Variants in ASAP2 observed in about 807,000 individuals in gnomAD.
The protein encoded by ASAP2 is arf-GAP with SH3 domain, ANK repeat and PH domain-containing protein 2.
Under a neutral mutation model 131.4 loss-of-function variants are expected in ASAP2, and 45 were observed. That is an observed-to-expected ratio of 0.34 (90% CI 0.27 to 0.44). The LOEUF (loss-of-function observed/expected upper bound fraction) is 0.44, where lower values mean the gene tolerates loss of function less well. Ranked by LOEUF, ASAP2 falls within the 20% of genes least tolerant of loss-of-function variation. The pLI is 1.00. For synonymous variants in ASAP2, 510 were observed against 503.0 expected (o/e 1.01, Z -0.19); for missense variants, 1,011 against 1,297.0 (o/e 0.78, Z 3.39).
chr2:9,211,074 G>A (rs1661510707), intron 1 of ASAP2, among the ~76,000 whole-genome samples: 1 of 151,666 alleles, frequency 6.6e-6, no homozygotes, highest in South Asian at 2.1e-4. Context: ...AGAATCACTT[G>A]AACCCAAGAG....
chr2:9,262,566 G>C (rs1421048739), intron 1 of ASAP2, among the ~76,000 whole-genome samples: 1 of 152,216 alleles, frequency 6.6e-6, no homozygotes, highest in Non-Finnish European at 1.5e-5. Flanking sequence ...AACCAAGTCA[G>C]TCTCATTCCA....
In ASAP2 at chr2:9,297,243, G is replaced by T; in HGVS notation, c.200-57G>T. On this transcript the variant is annotated intron_variant, in intron 2 of 27. Transcript: ENST00000281419. ...GTTATTCACAACCGAGAAGAACCTGGTGGGGAGTGAGGGTGGCATGCCTGA... is the reference window on the plus strand; with the variant it reads ...GTTATTCACAACCGAGAAGAACCTGTTGGGGAGTGAGGGTGGCATGCCTGA... 1.9e-6 allele frequency: 3 copies of T among 1,598,982 alleles called. No homozygotes were observed. The South Asian group carries it at 3.3e-5, about 18-fold the overall frequency.
intron 3 of ASAP2, among the ~76,000 whole-genome samples, chr2:9,300,968 C>T (rs900308247): frequency 5.9e-5 from 9 of 152,334 alleles, no homozygotes; most frequent in African/African-American, 2.2e-4. Flanking sequence ...TCCAGGCCAG[C>T]GCCGGTGTGG....
chr2:9,336,686 T>C (rs1007990571), intron 9 of ASAP2, among the ~76,000 whole-genome samples: 4 of 152,148 alleles, frequency 2.6e-5, no homozygotes, highest in African/African-American at 9.7e-5. Flanking sequence ...TTCCTCCTAG[T>C]CTAGAGAATG....
intron 1 of ASAP2, among the ~76,000 whole-genome samples, chr2:9,231,030 A>C (rs1023255048): frequency 6.6e-6 from 1 of 152,164 alleles, no homozygotes; most frequent in African/African-American, 2.4e-5. Context: ...GATGCTGCCC[A>C]GGCTCGGCTG....
chr2:9,344,268 T>C (rs1242935602), intron 9 of ASAP2, among the ~76,000 whole-genome samples: 1 of 152,174 alleles, frequency 6.6e-6, no homozygotes, highest in African/African-American at 2.4e-5. Context: ...AAATAAAACC[T>C]GGAAACTTCC....
intron 15 of ASAP2, among the ~76,000 whole-genome samples, chr2:9,360,076 A>T (rs1270614796): frequency 6.6e-6 from 1 of 152,208 alleles, no homozygotes; most frequent in Non-Finnish European, 1.5e-5. Flanking sequence ...GATGGCATAG[A>T]TTGGAGGTTG....
Position 9,281,202 on chromosome 2 carries a change from T to C in ASAP2, c.199+1813T>C, listed in dbSNP as rs957113743. ...TTTATAACTTGAGGGATATTTGATATTCTGGTCAGACTCAAAAATGATTTT... is the reference window on the plus strand; with the variant it reads ...TTTATAACTTGAGGGATATTTGATACTCTGGTCAGACTCAAAAATGATTTT... On this transcript the variant is annotated intron_variant, in intron 2 of 27. Transcript: ENST00000281419. This position sits in a 1 kb window ranked among gnomAD's most constrained non-coding sequence, Gnocchi z 4.0. Among the ~76,000 whole-genome samples the C allele has an allele frequency of 4.6e-5, 7 of 152,196 alleles. No homozygotes were observed. The highest frequency in any genetic ancestry group is 2.4e-5 in the African/African-American group (1 of 41,438).
intron 16 of ASAP2, among the ~76,000 whole-genome samples, chr2:9,368,846 T>C (rs893035405): frequency 2.6e-5 from 4 of 152,118 alleles, no homozygotes; most frequent in Non-Finnish European, 4.4e-5. Flanking sequence ...TTCCCCGTCT[T>C]GGTCTCTCTG....
rs181172002 is a variant in ASAP2, at chr2:9,225,784, G to A, written c.126+18554G>A. 2.6e-4 allele frequency among the ~76,000 whole-genome samples: 39 copies of A among 152,260 alleles called. 1 individual carries two copies. In the East Asian group the frequency reaches 2.9e-3, roughly 11 times the overall value. Reference sequence around the variant, plus strand: ...GAAGTGGTTGTAGGGGTCTGGATTAGGGCATAGGGAATACAAAGGAAGGGA... The same window carrying A: ...GAAGTGGTTGTAGGGGTCTGGATTAAGGCATAGGGAATACAAAGGAAGGGA... On this transcript the variant is annotated intron_variant, in intron 1 of 27. Transcript: ENST00000281419.
rs570834883 is a variant in ASAP2, at chr2:9,210,893, C to T, written c.126+3663C>T. Among the ~76,000 whole-genome samples, 18 of 151,626 alleles carry T rather than the reference C, an allele frequency of 1.2e-4. No individual in the cohort carries two copies. In the South Asian group the frequency reaches 3.3e-3, roughly 28 times the overall value. Reference sequence around the variant, plus strand: ...TTGTCAGGCCAGGTGCGGTGGCTCACGCCTGTAATCCCAGCAGTTTGGGAG... The same window carrying T: ...TTGTCAGGCCAGGTGCGGTGGCTCATGCCTGTAATCCCAGCAGTTTGGGAG... On this transcript the variant is annotated intron_variant, in intron 1 of 27. Transcript: ENST00000281419.
intron 15 of ASAP2, among the ~76,000 whole-genome samples, chr2:9,365,770 A>G (rs1673424358): frequency 6.6e-6 from 1 of 152,144 alleles, no homozygotes; most frequent in Non-Finnish European, 1.5e-5. Flanking sequence ...AGGGCTTCTT[A>G]TTGACTCATC....
chr2:9,342,033 G>T (rs1671618187), intron 9 of ASAP2, among the ~76,000 whole-genome samples: 1 of 152,098 alleles, frequency 6.6e-6, no homozygotes, highest in Non-Finnish European at 1.5e-5. Flanking sequence ...AAAAGTCAGT[G>T]CTAGACACTC....
At chr2:9,225,096 G>A (rs1482155844) in intron 1 of ASAP2, among the ~76,000 whole-genome samples, 7 of 152,242 alleles carry the variant, frequency 4.6e-5, no homozygotes, top group Admixed American at 3.3e-4. Flanking sequence ...TGCAAAAAGT[G>A]TAAGCTAAAA....
intron 27 of ASAP2, among the ~76,000 whole-genome samples, chr2:9,402,923 T>C (rs1676865369): frequency 6.6e-6 from 1 of 152,194 alleles, no homozygotes. Context: ...ATTCATTCAT[T>C]CATTCATTGA....
intron 5 of ASAP2, among the ~76,000 whole-genome samples, chr2:9,320,990 T>C (rs543588495): frequency 1.3e-5 from 2 of 151,950 alleles, no homozygotes; most frequent in South Asian, 4.2e-4. Context: ...GTAGAGAGAG[T>C]CGAGCTACAG....
intron 9 of ASAP2, among the ~76,000 whole-genome samples, 167 bp downstream of exon 9, chr2:9,335,346 A>G (rs1671136249): frequency 6.6e-6 from 1 of 152,196 alleles, no homozygotes; most frequent in African/African-American, 2.4e-5. Context: ...CTATAAAACC[A>G]TCTTTTAAAA....
intron 14 of ASAP2, among the ~76,000 whole-genome samples, chr2:9,357,781 G>A (rs1021722986): frequency 1.3e-5 from 2 of 152,098 alleles, no homozygotes; most frequent in African/African-American, 4.8e-5. Flanking sequence ...TTTCCAACAT[G>A]GATAACATTT....
Position 9,320,349 on chromosome 2 carries a change from C to T in ASAP2, c.470+12C>T, listed in dbSNP as rs773070460. 9 of 1,606,532 alleles carry T rather than the reference C, an allele frequency of 5.6e-6. No individual in the cohort carries two copies. The highest frequency in any genetic ancestry group is 1.7e-5 in the Admixed American group (1 of 59,104). ...TATGAAACAAAAATGTGAGTGTTCTCGTTTTTAAATTTACGTATAGGTAAT... is the reference window on the plus strand; with the variant it reads ...TATGAAACAAAAATGTGAGTGTTCTTGTTTTTAAATTTACGTATAGGTAAT... On this transcript the variant is annotated intron_variant, in intron 5 of 27. Coordinates refer to ENST00000281419, the MANE Select transcript of ASAP2 (RefSeq NM_003887.3).
Sources: allele counts gnomAD v4.1 joint callset (sites outside exome capture counted in the v4.1 genomes callset), GRCh38; gene constraint gnomAD v4.1.1; non-coding constraint Gnocchi (gnomAD v3.1); transcripts MANE v1.5; gene names NCBI Gene and HGNC (gene_info 2026-07-23, HGNC 2026-07-21).